The following CCDC3 variants were observed in gnomAD, a reference collection of about 807,000 sequenced individuals.
The protein encoded by CCDC3 is coiled-coil domain containing 3.
A neutral mutation model predicts 21.4 loss-of-function variants in CCDC3; 24 were observed. The ratio of observed to expected loss-of-function variants is 1.12; its 90% CI spans 0.81 to 1.58. The LOEUF (loss-of-function observed/expected upper bound fraction) is 1.58. Ranked by LOEUF, CCDC3 falls within the 40% of genes most tolerant of loss-of-function variation. CCDC3 has a pLI of 0.00. For synonymous variants in CCDC3, 186 were observed against 166.0 expected (o/e 1.12, Z -0.93); for missense variants, 425 against 360.9 (o/e 1.18, Z -1.44).
intron 2 of CCDC3, among the ~76,000 whole-genome samples, chr10:12,936,840 G>C (rs1381261714): frequency 1.3e-5 from 2 of 152,210 alleles, no homozygotes; most frequent in Non-Finnish European, 2.9e-5. Context: ...ATGAGCCCAG[G>C]AGTTCGAGGC....
intron 2 of CCDC3, among the ~76,000 whole-genome samples, chr10:12,968,845 A>G (rs908730090): frequency 6.6e-6 from 1 of 152,182 alleles, no homozygotes. Context: ...CAAAGCAAAA[A>G]TCTATAGTAG....
At chr10:13,079,562 T>G (rs1436033410) in intron 3 of CCDC3, among the ~76,000 whole-genome samples, 2 of 147,532 alleles carry the variant, frequency 1.4e-5, no homozygotes, top group Non-Finnish European at 3.0e-5. Context: ...AGGTCAGGAC[T>G]GAGAAAAGAA....
chr10:13,023,307 TTC>T (rs1258543669), intron 5 of CCDC3, among the ~76,000 whole-genome samples: 4 of 152,074 alleles, frequency 2.6e-5, no homozygotes, highest in Non-Finnish European at 2.9e-5. Flanking sequence ...AGGTAGTTTT[TTC>T]TGTTTCACTT....
Position 13,012,513 on chromosome 10 carries a change from C to T in CCDC3, c.-1-14001G>A, listed in dbSNP as rs186653164. Among the ~76,000 whole-genome samples the T allele has an allele frequency of 2.4e-4, 36 of 151,928 alleles. No homozygotes were observed. The East Asian group carries it at 4.4e-3, about 19-fold the overall frequency. On this transcript the variant is annotated intron_variant, in intron 5 of 6. Transcript: ENST00000378839. Reference sequence around the variant, plus strand: ...TACCATCTCGCACGAGTCTGAATGGCTATTATTTAAAAAGTCAAAATATAA... The same window carrying T: ...TACCATCTCGCACGAGTCTGAATGGTTATTATTTAAAAAGTCAAAATATAA...
chr10:13,038,318 A>T (rs1260033113), intron 5 of CCDC3, among the ~76,000 whole-genome samples: 1 of 148,338 alleles, frequency 6.7e-6, no homozygotes, highest in Non-Finnish European at 1.5e-5. Context: ...ACACACATTT[A>T]CCTATGTAAA....
intron 2 of CCDC3, among the ~76,000 whole-genome samples, chr10:12,915,732 C>T (rs761785403): frequency 1.1e-4 from 17 of 152,140 alleles, no homozygotes; most frequent in Non-Finnish European, 1.6e-4. Flanking sequence ...GGATCCACTA[C>T]GGTGAACTTG....
intron 5 of CCDC3, among the ~76,000 whole-genome samples, chr10:13,030,379 G>A (rs1177656371): frequency 6.6e-6 from 1 of 152,148 alleles, no homozygotes; most frequent in African/African-American, 2.4e-5. Flanking sequence ...ACCACCCACT[G>A]CAAAAACATG....
intron 2 of CCDC3, among the ~76,000 whole-genome samples, chr10:12,960,165 C>CA (rs1164062816): frequency 8.3e-3 from 142 of 17,044 alleles, no homozygotes; most frequent in Non-Finnish European, 0.015. Flanking sequence ...CACACACACA[C>CA]ACAACACACA....
intron 2 of CCDC3, among the ~76,000 whole-genome samples, chr10:12,922,634 C>CT (rs1265622505): frequency 6.6e-6 from 1 of 152,124 alleles, no homozygotes; most frequent in African/African-American, 2.4e-5. Flanking sequence ...CCCAGCCCTT[C>CT]TCTCTGAAAC....
chr10:13,048,453 A>C (rs991590232), intron 5 of CCDC3, among the ~76,000 whole-genome samples: 12 of 152,050 alleles, frequency 7.9e-5, no homozygotes, highest in African/African-American at 2.9e-4. Context: ...CGGCCTCCCA[A>C]AGTGCTGGGA....
At chr10:12,963,631 A>T (rs1835213804) in intron 2 of CCDC3, among the ~76,000 whole-genome samples, 1 of 124,896 alleles carries the variant, frequency 8.0e-6, no homozygotes, top group Admixed American at 9.8e-5. Flanking sequence ...CCCAGGCTGG[A>T]GTGCAGTGGC....
At chr10:13,027,251 G>A (rs1260942330) in intron 5 of CCDC3, among the ~76,000 whole-genome samples, 7 of 152,168 alleles carry the variant, frequency 4.6e-5, no homozygotes, top group African/African-American at 1.7e-4. Context: ...ACTAACAGAC[G>A]TTTCTCAGAA....
At chr10:13,084,342 A>G (rs11258179) in intron 3 of CCDC3, among the ~76,000 whole-genome samples, 90,053 of 148,950 alleles carry the variant, frequency 0.6, 27,568 homozygotes, top group Middle Eastern at 0.64. Context: ...CTGGAATGCA[A>G]TGGCACAATC....
intron 3 of CCDC3, among the ~76,000 whole-genome samples, chr10:13,095,784 T>C (rs1420226849): frequency 1.3e-5 from 2 of 152,222 alleles, no homozygotes; most frequent in African/African-American, 4.8e-5. Flanking sequence ...CCACATGCCA[T>C]AAAATTCACC....
At chr10:13,041,403 G>A (rs780025803) in intron 5 of CCDC3, among the ~76,000 whole-genome samples, 2 of 149,126 alleles carry the variant, frequency 1.3e-5, no homozygotes, top group African/African-American at 5.0e-5. Context: ...ATTTATACTC[G>A]TCTTGGCTCC....
intron 2 of CCDC3, among the ~76,000 whole-genome samples, chr10:12,995,544 C>T (rs1234906364): frequency 6.6e-6 from 1 of 152,176 alleles, no homozygotes; most frequent in Non-Finnish European, 1.5e-5. Context: ...AATCAGCCCA[C>T]AATGGGCTAA....
chr10:13,065,901 C>T (rs943836341), intron 4 of CCDC3, among the ~76,000 whole-genome samples: 2 of 152,142 alleles, frequency 1.3e-5, no homozygotes, highest in African/African-American at 4.8e-5. Context: ...AATGATAGGG[C>T]ACTATAAATG....
chr10:12,924,542 G>C (rs763161716), intron 2 of CCDC3: 14 of 152,246 alleles, frequency 9.2e-5, no homozygotes, highest in Non-Finnish European at 1.9e-4. Flanking sequence ...GGAACAGCCA[G>C]GTGTGATCTC....
intron 2 of CCDC3, among the ~76,000 whole-genome samples, chr10:12,977,274 CA>C (rs945248293): frequency 1.5e-5 from 2 of 136,178 alleles, no homozygotes; most frequent in African/African-American, 5.9e-5. Flanking sequence ...GACCTTGTCT[CA>C]AAAAAAAGGA....
Sources: gnomAD v4.1 joint callset for allele counts (sites outside exome capture counted in the v4.1 genomes callset) on GRCh38, gnomAD v4.1.1 for gene constraint, MANE v1.5 for transcripts, NCBI Gene and HGNC (gene_info 2026-07-23, HGNC 2026-07-21) for gene names.